MORC1: variants seen among roughly 807,000 people sequenced by gnomAD.
MORC1 encodes MORC family CW-type zinc finger protein 1.
In MORC1, 59 loss-of-function variants were observed where a neutral mutation model predicts 134.9. That is an observed-to-expected ratio of 0.44 (90% CI 0.35 to 0.54). The LOEUF is 0.54. Among genes scored for constraint, MORC1 ranks in the 20% least tolerant of loss-of-function variants. The probability of loss-of-function intolerance (pLI) is 0.00; values close to 1 mark genes in which losing one functional copy is unlikely to be tolerated. For synonymous variants in MORC1, 395 were observed against 391.7 expected (o/e 1.01, Z -0.10); for missense variants, 947 against 1,134.5 (o/e 0.83, Z 2.37).
chr3:109,040,403 A>AAAGAAAGAAAGAAAGAGAGAGAAGGAAG (rs1553753628), intron 14 of MORC1, among the ~76,000 whole-genome samples: 1 of 13,558 alleles, frequency 7.4e-5, no homozygotes, highest in African/African-American at 1.7e-4. Flanking sequence ...AGAAAGAAAG[A>AAAGAAAGAAAGAAAGAGAGAGAAGGAAG]GAAGGAAGGA....
chr3:109,112,361 A>C (rs1429707320), intron 2 of MORC1, among the ~76,000 whole-genome samples: 3 of 152,222 alleles, frequency 2.0e-5, no homozygotes, highest in Non-Finnish European at 2.9e-5. Context: ...ACAGGAAATC[A>C]TTAAAATATT....
chr3:109,112,660 C>T (rs956480379), intron 2 of MORC1, among the ~76,000 whole-genome samples: 2 of 152,200 alleles, frequency 1.3e-5, no homozygotes, highest in African/African-American at 2.4e-5. Flanking sequence ...AGGAATGTGG[C>T]CTTGAGGTTG....
At chr3:109,107,265 T>A (rs1034399060) in intron 3 of MORC1, among the ~76,000 whole-genome samples, 3 of 152,190 alleles carry the variant, frequency 2.0e-5, no homozygotes, top group African/African-American at 7.2e-5. Context: ...TTTTTGTACC[T>A]TTGTAGTATA....
At chr3:109,080,056 T>C (rs1483229406) in intron 8 of MORC1, among the ~76,000 whole-genome samples, 2 of 152,242 alleles carry the variant, frequency 1.3e-5, no homozygotes, top group African/African-American at 2.4e-5. Flanking sequence ...ATTATTTTTA[T>C]CAACATTATT....
chr3:109,023,826 G>C (rs1434411709), intron 17 of MORC1, among the ~76,000 whole-genome samples: 2 of 152,166 alleles, frequency 1.3e-5, no homozygotes, highest in African/African-American at 4.8e-5. Context: ...GCAATCCAGT[G>C]AAACAATAGA....
At chr3:109,074,047 T>C (rs1426182784) in intron 8 of MORC1, among the ~76,000 whole-genome samples, 1 of 152,158 alleles carries the variant, frequency 6.6e-6, no homozygotes. Flanking sequence ...AGTTAAGACA[T>C]AAAAAGTAGA....
chr3:108,993,764 G>A (rs1391214959), intron 21 of MORC1, among the ~76,000 whole-genome samples: 2 of 152,096 alleles, frequency 1.3e-5, no homozygotes, highest in Non-Finnish European at 2.9e-5. Context: ...AGTTGATTTA[G>A]GGACTAATTT....
chr3:109,001,093 G>T (rs35413330), intron 20 of MORC1, among the ~76,000 whole-genome samples: 63,456 of 151,948 alleles, frequency 0.42, 13,884 homozygotes, highest in Middle Eastern at 0.55. Flanking sequence ...TTTTCTTAAA[G>T]ATATAATGTC....
intron 3 of MORC1, among the ~76,000 whole-genome samples, chr3:109,105,955 C>T (rs572964709): frequency 3.3e-5 from 5 of 152,098 alleles, no homozygotes; most frequent in Non-Finnish European, 2.9e-5. Context: ...TCCTCCTCTC[C>T]CCCTTTAAAG....
intron 6 of MORC1, among the ~76,000 whole-genome samples, chr3:109,096,598 T>C (rs905298459): frequency 4.6e-5 from 7 of 152,202 alleles, no homozygotes; most frequent in African/African-American, 1.2e-4. Flanking sequence ...ACCCTATTCC[T>C]GGAAAATTCA....
At chr3:109,082,389 C>T (rs1391750164) in intron 8 of MORC1, among the ~76,000 whole-genome samples, 3 of 152,038 alleles carry the variant, frequency 2.0e-5, no homozygotes, top group African/African-American at 7.2e-5. Flanking sequence ...AGATGTACAT[C>T]CACAAGAAAC....
chr3:109,058,449 C>A (rs1950010607), intron 12 of MORC1, among the ~76,000 whole-genome samples: 1 of 152,092 alleles, frequency 6.6e-6, no homozygotes, highest in Non-Finnish European at 1.5e-5. Context: ...TCCCCTCTCT[C>A]CACAAACTTG....
intron 27 of MORC1, among the ~76,000 whole-genome samples, chr3:108,959,663 G>A (rs1316051087): frequency 2.6e-5 from 4 of 152,076 alleles, no homozygotes; most frequent in Non-Finnish European, 5.9e-5. Flanking sequence ...TTGATCCATG[G>A]AACAGTTAGA....
chr3:109,028,035 G>T, intron 16 of MORC1, 146 bp from the exon 17 acceptor site: 1 of 876,220 alleles, frequency 1.1e-6, no homozygotes, highest in Non-Finnish European at 1.7e-6. Flanking sequence ...TGTATCCGTG[G>T]CTTTCGATAA....
intron 22 of MORC1, among the ~76,000 whole-genome samples, chr3:108,986,117 TAAG>T (rs908763171): frequency 5.9e-5 from 9 of 152,078 alleles, no homozygotes; most frequent in Admixed American, 4.6e-4. Context: ...GAGCTGAGAC[TAAG>T]AAGACTAAGA....
chr3:109,057,208 C>T, intron 13 of MORC1, 135 bp downstream of exon 13: 1 of 887,848 alleles, frequency 1.1e-6, no homozygotes, highest in Non-Finnish European at 1.6e-6. Flanking sequence ...AATGCCTGCA[C>T]TTCAACAGGA....
At chr3:109,019,066 G>A (rs1948895337) in intron 17 of MORC1, 1 of 152,156 alleles carries the variant, frequency 6.6e-6, no homozygotes, top group Non-Finnish European at 1.5e-5. Flanking sequence ...AATGTTCAGA[G>A]AAGCTTCTCT....
chr3:109,045,191 T>C (rs186255327), intron 14 of MORC1, among the ~76,000 whole-genome samples: 8 of 152,276 alleles, frequency 5.3e-5, no homozygotes, highest in African/African-American at 1.9e-4. Flanking sequence ...GTTCCCACTT[T>C]CAGGTGGTTC....
chr3:109,037,864 C>T (rs1218530625), intron 14 of MORC1, among the ~76,000 whole-genome samples: 1 of 152,070 alleles, frequency 6.6e-6, no homozygotes, highest in Non-Finnish European at 1.5e-5. Flanking sequence ...TGGGTTGGTT[C>T]CAAGTCTTTG....
Sources: gnomAD v4.1 joint callset for allele counts (sites outside exome capture counted in the v4.1 genomes callset) on GRCh38, gnomAD v4.1.1 for gene constraint, MANE v1.5 for transcripts, NCBI Gene and HGNC (gene_info 2026-07-23, HGNC 2026-07-21) for gene names.